The following PPP4R3B variants were observed in gnomAD, a reference collection of about 807,000 sequenced individuals.
The protein encoded by PPP4R3B is serine/threonine-protein phosphatase 4 regulatory subunit 3B.
A neutral mutation model predicts 95.4 loss-of-function variants in PPP4R3B; 52 were observed. That is an observed-to-expected ratio of 0.54 (90% CI 0.44 to 0.69). PPP4R3B has a LOEUF of 0.69. PPP4R3B is among the 30% of genes least tolerant of loss of function. The pLI is 0.00. For synonymous variants in PPP4R3B, 407 were observed against 343.9 expected (o/e 1.18, Z -2.03); for missense variants, 1,003 against 1,005.9 (o/e 1.00, Z 0.04).
intron 2 of PPP4R3B, among the ~76,000 whole-genome samples, chr2:55,607,550 G>T (rs1443909828): frequency 6.6e-6 from 1 of 152,154 alleles, no homozygotes; most frequent in Non-Finnish European, 1.5e-5. Context: ...AGCAAGGTAT[G>T]GGGTAAGAGG....
intron 4 of PPP4R3B, 138 bp downstream of exon 4, chr2:55,598,278 G>C (rs1231127318): frequency 2.3e-6 from 2 of 882,622 alleles, no homozygotes; most frequent in Non-Finnish European, 3.3e-6. Context: ...AATTTCTTTT[G>C]TTTACTTTAA....
At chr2:55,598,392 C>T (rs371137673) in intron 4 of PPP4R3B, 24 bp downstream of exon 4, 19 of 1,602,542 alleles carry the variant, frequency 1.2e-5, no homozygotes, top group African/African-American at 1.1e-4. Flanking sequence ...AAAATGGAAT[C>T]GTGAAGAGTA....
chr2:55,559,484 T>C lies in PPP4R3B; in HGVS notation c.2261-516A>G, dbSNP rs1034165770. Among the ~76,000 whole-genome samples the C allele has an allele frequency of 1.8e-4, 27 of 152,086 alleles. 1 individual carries two copies. Among genetic ancestry groups the C allele is most frequent in the African/African-American group, 4.6e-4 (19 of 41,560 alleles). ...GTCCCCACCCAAATCGCAAATCAAA[T>C]TGTAATCCCCACATGTCAGGGGAGG... On this transcript the variant is annotated intron_variant, in intron 15 of 16. Transcript: ENST00000616407.
intron 2 of PPP4R3B, among the ~76,000 whole-genome samples, chr2:55,613,012 G>A (rs970716564): frequency 2.6e-4 from 40 of 152,168 alleles, no homozygotes; most frequent in African/African-American, 9.6e-4. Context: ...TCAGAAGGCT[G>A]AAATTGGAGG....
Position 55,577,328 on chromosome 2 carries a change from G to A in PPP4R3B, c.1593C>T (p.Asn531=), listed in dbSNP as rs371312926. The part of the protein sequence containing the change: ...QDNIVGSNKN[N]TICPDNYQTA... ...ATTCATACTTACCGGGACAAATTGT[G>A]TTGTTTTTGTTTGATCCAACTATAT... is the stretch of plus-strand genomic sequence containing the variant. Residue 531 remains asparagine, a synonymous_variant, in exon 11 of 17, where the codon AAC becomes AAT. Coordinates refer to ENST00000616407, the MANE Select transcript of PPP4R3B (RefSeq NM_001122964.3). 2 of 1,545,736 alleles carry A rather than the reference G, an allele frequency of 1.3e-6. No individual in the cohort carries two copies. The highest frequency in any genetic ancestry group is 1.4e-5 in the African/African-American group (1 of 71,226).
intron 1 of PPP4R3B, 61 bp from the exon 2 acceptor site, chr2:55,615,567 G>A (rs1265004917): frequency 1.6e-6 from 2 of 1,262,976 alleles, no homozygotes; most frequent in Non-Finnish European, 2.2e-6. Context: ...ATAAAAATTA[G>A]AATACACATT....
At chr2:55,592,758 C>T (rs1691212928) in intron 4 of PPP4R3B, among the ~76,000 whole-genome samples, 1 of 152,148 alleles carries the variant, frequency 6.6e-6, no homozygotes, top group African/African-American at 2.4e-5. Flanking sequence ...ATTTGAGATT[C>T]CTATCCTCCA....
Position 55,599,046 on chromosome 2 carries a change from AT to A in PPP4R3B, c.298-8del. 1 of 1,588,028 alleles carries A rather than the reference AT, an allele frequency of 6.3e-7. No homozygotes were observed. The highest frequency in any genetic ancestry group is 8.5e-7 in the Non-Finnish European group (1 of 1,171,026). On this transcript the variant is annotated splice_polypyrimidine_tract_variant and splice_region_variant and intron_variant, in intron 3 of 16. Transcript: ENST00000616407. ...ATGGGTCTTTACCTTGAACCTAAAA[AT>A]ATCCAAGTATACAGCTAATTACCTT... is the stretch of plus-strand genomic sequence containing the variant.
chr2:55,591,561 T>G, intron 4 of PPP4R3B: 1 of 984,486 alleles, frequency 1.0e-6, no homozygotes, highest in South Asian at 4.7e-5. Context: ...AGATTACATC[T>G]TCATCCTTTA....
At chr2:55,612,766 A>G (rs1191035318) in intron 2 of PPP4R3B, among the ~76,000 whole-genome samples, 8 of 151,998 alleles carry the variant, frequency 5.3e-5, no homozygotes, top group African/African-American at 1.7e-4. Context: ...AACACGGTGA[A>G]ACCCCATCTC....
chr2:55,558,081 A>C (rs1686083588), intron 16 of PPP4R3B, among the ~76,000 whole-genome samples: 1 of 152,176 alleles, frequency 6.6e-6, no homozygotes, highest in Non-Finnish European at 1.5e-5. Context: ...CCTAACTGGC[A>C]AATACTAAAA....
chr2:55,617,231 A>G lies in PPP4R3B; in HGVS notation c.55T>C (p.Trp19Arg). 1 of 1,614,006 alleles carries G rather than the reference A, an allele frequency of 6.2e-7. No individual in the cohort carries two copies. The highest frequency in any genetic ancestry group is 8.5e-7 in the Non-Finnish European group (1 of 1,179,958). ...ACGTGCCCGGTGCCTCGGTCGTCCC[A>G]TTGCCGGTCTTCGTTCAGGGTATAG... ...KVYTLNEDRQ[W>R]DDRGTGHVSS... The change falls in exon 1 of 17, where the codon TGG becomes CGG. Residue 19 changes from tryptophan to arginine, a missense_variant. This residue lies in a region of PPP4R3B where 695 missense variants were observed against 686.2 expected (regional missense o/e 1.01). Coordinates refer to ENST00000616407, the MANE Select transcript of PPP4R3B (RefSeq NM_001122964.3).
intron 8 of PPP4R3B, among the ~76,000 whole-genome samples, chr2:55,580,531 T>TA (rs1201315250): frequency 6.6e-6 from 1 of 152,212 alleles, no homozygotes; most frequent in East Asian, 1.9e-4. Context: ...CTTAACTACC[T>TA]AAAATTTGGA....
In PPP4R3B at chr2:55,577,331, G is replaced by A; in HGVS notation, c.1590C>T (p.Asn530=). The A allele has an allele frequency of 6.5e-7, 1 of 1,545,476 alleles. No homozygotes were observed. The highest frequency in any genetic ancestry group is 1.3e-5 in the South Asian group (1 of 78,662). Residue 530 remains asparagine (N), a synonymous_variant, in exon 11 of 17, where the codon AAC becomes AAT. Transcript: ENST00000616407. ...SQDNIVGSNK[N]NTICPDNYQT... ...CATACTTACCGGGACAAATTGTGTT[G>A]TTTTTGTTTGATCCAACTATATTAT...
intron 16 of PPP4R3B, among the ~76,000 whole-genome samples, chr2:55,550,251 T>C (rs1004478692): frequency 6.6e-6 from 1 of 152,174 alleles, no homozygotes; most frequent in Non-Finnish European, 1.5e-5. Flanking sequence ...CAAAACTCAA[T>C]TCTGCAAAAT....
At chr2:55,605,470 C>G (rs924354707) in intron 2 of PPP4R3B, among the ~76,000 whole-genome samples, 16 of 152,124 alleles carry the variant, frequency 1.1e-4, no homozygotes, top group Non-Finnish European at 2.1e-4. Context: ...ATCCAGGCCT[C>G]AGATTAATAC....
chr2:55,580,224 A>C (rs774039298), intron 8 of PPP4R3B, among the ~76,000 whole-genome samples: 3 of 152,168 alleles, frequency 2.0e-5, no homozygotes, highest in Non-Finnish European at 4.4e-5. Context: ...TACACTTGCA[A>C]ACTGCTAAGA....
At chr2:55,580,496 A>G (rs1689308912) in intron 8 of PPP4R3B, among the ~76,000 whole-genome samples, 1 of 152,198 alleles carries the variant, frequency 6.6e-6, no homozygotes. Flanking sequence ...AAGAAAAAGA[A>G]CCAATTAAGC....
intron 4 of PPP4R3B, 35 bp downstream of exon 4, chr2:55,598,381 A>G: frequency 1.3e-6 from 2 of 1,589,414 alleles, no homozygotes; most frequent in Non-Finnish European, 1.7e-6. Context: ...TAAATATCTG[A>G]AAAATGGAAT....
Sources: allele counts gnomAD v4.1 joint callset (sites outside exome capture counted in the v4.1 genomes callset), GRCh38; gene constraint gnomAD v4.1.1; regional missense constraint gnomAD v4.1.1; transcripts MANE v1.5; gene names NCBI Gene and HGNC (gene_info 2026-07-23, HGNC 2026-07-21).